ANO10: variants seen among roughly 807,000 people sequenced by gnomAD.
ANO10 encodes anoctamin 10.
ANO10 carries 77 observed loss-of-function variants against 74.7 expected under a neutral mutation model. That is an observed-to-expected ratio of 1.03 (90% CI 0.86 to 1.25). The LOEUF (loss-of-function observed/expected upper bound fraction) is 1.25, where lower values mean the gene tolerates loss of function less well. Among genes scored for constraint, ANO10 ranks in the 50% most tolerant of loss-of-function variants. The pLI is 0.00. For missense variants in ANO10, 721 were observed against 778.1 expected (o/e 0.93, Z 0.87); for synonymous variants, 279 against 284.9 (o/e 0.98, Z 0.21).
Position 43,432,651 on chromosome 3 carries a change from G to A in ANO10, c.1874C>T (p.Ala625Val). The A allele has an allele frequency of 6.2e-7, 1 of 1,613,930 alleles. No individual in the cohort carries two copies. The highest frequency in any genetic ancestry group is 8.5e-7 in the Non-Finnish European group (1 of 1,179,892). ...CTCCAAAGACTCAAATTCCAGTCTGGCTAGTTTCATCTGGATATGCCGTGG... is the reference window on the plus strand; with the variant it reads ...CTCCAAAGACTCAAATTCCAGTCTGACTAGTTTCATCTGGATATGCCGTGG... Reference protein sequence around the residue: ...DKPRHIQMKLARLEFESLEAL... With the variant: ...DKPRHIQMKLVRLEFESLEAL... Residue 625 changes from alanine to valine, a missense_variant, in exon 12 of 13, where the codon GCC becomes GTC. Ala to Val is a moderately conservative substitution (Grantham distance 64, BLOSUM62 0). Coordinates refer to ENST00000292246, the MANE Select transcript of ANO10 (RefSeq NM_018075.5).
chr3:43,418,740 T>C (rs2092778265), intron 12 of ANO10, among the ~76,000 whole-genome samples: 1 of 152,230 alleles, frequency 6.6e-6, no homozygotes, highest in African/African-American at 2.4e-5. Context: ...GCTGGGTGGC[T>C]CTGGCTCAGA....
Position 43,691,098 on chromosome 3 carries a change from G to A in ANO10, c.-12+419C>T, listed in dbSNP as rs6794697. On this transcript the variant is annotated intron_variant, in intron 1 of 3. Transcript: ENST00000413397. ...CCGGCGCGCACCCTCCGCGCGGGCC[G>A]GGTTAGGGCCCAGCGGGCAGCACCA... The A allele has an allele frequency of 5.0e-3, 7,346 of 1,472,312 alleles. 304 individuals are homozygous for A. In the African/African-American group the frequency reaches 0.091, roughly 18 times the overall value. The allele number at this position is 1,472,312 out of a possible 1,614,324, so 91.2% of individuals were successfully genotyped here.
intron 1 of ANO10, among the ~76,000 whole-genome samples, chr3:43,627,805 C>CATAT (rs146981052): frequency 2.0e-4 from 30 of 151,116 alleles, no homozygotes; most frequent in Middle Eastern, 3.4e-3. Flanking sequence ...AGTTGCTGCA[C>CATAT]ATATATATAT....
intron 1 of ANO10, among the ~76,000 whole-genome samples, chr3:43,655,058 A>T (rs2083832070): frequency 6.6e-6 from 1 of 152,224 alleles, no homozygotes; most frequent in Non-Finnish European, 1.5e-5. Flanking sequence ...ACTCTCTTTA[A>T]ATCAGAAAAG....
intron 11 of ANO10, among the ~76,000 whole-genome samples, chr3:43,460,094 G>T (rs2075312906): frequency 6.6e-6 from 1 of 152,080 alleles, no homozygotes; most frequent in South Asian, 2.1e-4. Flanking sequence ...GAGGGAAATG[G>T]GAAGAAGGCC....
intron 7 of ANO10, among the ~76,000 whole-genome samples, chr3:43,565,978 G>A (rs1224191832): frequency 1.3e-5 from 2 of 152,120 alleles, no homozygotes; most frequent in African/African-American, 2.4e-5. Context: ...GTGGGTGCGC[G>A]CACCGTGTGC....
At chr3:43,691,010 G>A (rs746289880) in intron 1 of ANO10, 3 of 1,569,100 alleles carry the variant, frequency 1.9e-6, no homozygotes, top group South Asian at 1.2e-5. Context: ...CGGAGGAGGA[G>A]GAGGTGGACT....
In ANO10 at chr3:43,605,787, T is replaced by C. The variant is rs759089835; in HGVS notation, c.66A>G (p.Glu22=). 1.2e-6 allele frequency: 2 copies of C among 1,613,710 alleles called. No homozygotes were observed. The highest frequency in any genetic ancestry group is 4.5e-5 in the East Asian group (2 of 44,864). The change falls in exon 2 of 13, where the codon GAA becomes GAG. Residue 22 remains glutamate (E), a synonymous_variant. Transcript: ENST00000292246. ...TTTCTTCTTTGACATCCTGAGCAAGTTCTATGACCACCAAAGGTGTGAAAG... is the reference window on the plus strand; with the variant it reads ...TTTCTTCTTTGACATCCTGAGCAAGCTCTATGACCACCAAAGGTGTGAAAG... The part of the protein sequence containing the change: ...ESSFTPLVVI[E]LAQDVKEETK...
chr3:43,466,377 A>AAAAC (rs1391147641), intron 11 of ANO10, among the ~76,000 whole-genome samples: 2 of 86,744 alleles, frequency 2.3e-5, no homozygotes, highest in Non-Finnish European at 5.2e-5. Context: ...CTCAAAAAAA[A>AAAAC]AAAAAAAAAA....
intron 12 of ANO10, among the ~76,000 whole-genome samples, chr3:43,367,294 G>A (rs1474726349): frequency 2.0e-5 from 3 of 152,214 alleles, no homozygotes; most frequent in East Asian, 1.9e-4. Flanking sequence ...GAGAGAGGAC[G>A]GGGCACAGGC....
Position 43,577,083 on chromosome 3 carries a change from A to C in ANO10, c.771T>G (p.Ile257Met). The C allele has an allele frequency of 6.2e-7, 1 of 1,614,176 alleles. No individual in the cohort carries two copies. Among genetic ancestry groups the C allele is most frequent in the South Asian group, 1.1e-5 (1 of 91,078 alleles). The part of the protein sequence containing the change: ...ASFNLIWSTV[I>M]LELWKRGCAN... ...CACAGCCACGCTTCCACAGTTCCAG[A>C]ATCACCGTGGACCAGATGAGGTTGA... Residue 257 changes from isoleucine (I) to methionine (M), a missense_variant, in exon 6 of 13, where the codon ATT (isoleucine) becomes ATG (methionine). Coordinates refer to ENST00000292246, the MANE Select transcript of ANO10 (RefSeq NM_018075.5).
At chr3:43,372,916 G>A in intron 12 of ANO10, 3 of 1,462,944 alleles carry the variant, frequency 2.1e-6, no homozygotes, top group Non-Finnish European at 2.8e-6. Flanking sequence ...AACTTGTGAA[G>A]CCTCTTTTTT....
intron 11 of ANO10, among the ~76,000 whole-genome samples, chr3:43,496,152 A>C (rs1480023508): frequency 6.6e-6 from 1 of 152,198 alleles, no homozygotes; most frequent in African/African-American, 2.4e-5. Flanking sequence ...GCTTTCAGGA[A>C]TATATACTCT....
chr3:43,684,331 T>C lies in ANO10; in HGVS notation c.-12+7186A>G, dbSNP rs968147927. 4.6e-5 allele frequency among the ~76,000 whole-genome samples: 7 copies of C among 152,130 alleles called. No homozygotes were observed. In the East Asian group the frequency reaches 1.2e-3, roughly 25 times the overall value. ...TGCAGCCAAAAGACACATGAAAAAA[T>C]GCTCATCATCACTGGTTATCAGAGA... On this transcript the variant is annotated intron_variant, in intron 1 of 3. Transcript: ENST00000413397.
intron 11 of ANO10, among the ~76,000 whole-genome samples, chr3:43,540,289 G>A (rs1251880568): frequency 6.6e-6 from 1 of 152,186 alleles, no homozygotes; most frequent in Non-Finnish European, 1.5e-5. Flanking sequence ...TCCAGTGATG[G>A]ACTGTCTCAC....
intron 2 of ANO10, among the ~76,000 whole-genome samples, chr3:43,601,491 C>T (rs1006076310): frequency 3.3e-5 from 5 of 152,142 alleles, no homozygotes; most frequent in African/African-American, 9.7e-5. Context: ...CCACAGCGCC[C>T]GGCCTCAAAC....
chr3:43,587,608 G>T (rs180793567), intron 4 of ANO10, among the ~76,000 whole-genome samples: 8 of 152,284 alleles, frequency 5.3e-5, no homozygotes, highest in Middle Eastern at 3.4e-3. Context: ...ACTGCTTCTG[G>T]GAAATGCAAA....
At chr3:43,636,802 TC>T (rs2083615328) in intron 1 of ANO10, among the ~76,000 whole-genome samples, 1 of 152,238 alleles carries the variant, frequency 6.6e-6, no homozygotes, top group Non-Finnish European at 1.5e-5. Context: ...AATTGATATT[TC>T]TTTATTTTTT....
intron 11 of ANO10, among the ~76,000 whole-genome samples, chr3:43,440,386 A>C (rs1218057471): frequency 2.0e-5 from 3 of 152,148 alleles, no homozygotes; most frequent in Admixed American, 2.0e-4. Flanking sequence ...TGGCAACAAA[A>C]AGAGAGCCAG....
Sources: allele counts gnomAD v4.1 joint callset (sites outside exome capture counted in the v4.1 genomes callset), GRCh38; gene constraint gnomAD v4.1.1; transcripts MANE v1.5; gene names NCBI Gene and HGNC (gene_info 2026-07-23, HGNC 2026-07-21).